The following CR1L variants were observed in gnomAD, a reference collection of about 807,000 sequenced individuals.
CR1L encodes the protein complement component receptor 1-like protein.
Under a neutral mutation model 62.3 loss-of-function variants are expected in CR1L, and 59 were observed. The observed-to-expected ratio is 0.95, with a 90% confidence interval of 0.77 to 1.18. The LOEUF (loss-of-function observed/expected upper bound fraction) is 1.18, where lower values mean the gene tolerates loss of function less well. Among genes scored for constraint, CR1L ranks in the 50% most tolerant of loss-of-function variants. The pLI is 0.00. For missense variants in CR1L, 700 were observed against 702.8 expected (o/e 1.00, Z 0.04); for synonymous variants, 279 against 248.7 (o/e 1.12, Z -1.15).
chr1:207,661,703 T>G (rs1384785467), intron 1 of CR1L, among the ~76,000 whole-genome samples: 4 of 152,190 alleles, frequency 2.6e-5, no homozygotes, highest in South Asian at 2.1e-4. Context: ...GTTAGCTGGT[T>G]ATTTTGCTCG....
chr1:207,706,013 G>GTATATATATATATATATATA (rs139294447), intron 9 of CR1L, among the ~76,000 whole-genome samples: 75 of 133,568 alleles, frequency 5.6e-4, no homozygotes, highest in Non-Finnish European at 1.1e-3. Context: ...GTGTGTGTAT[G>GTATATATATATATATATATA]TATATATATA....
intron 10 of CR1L, chr1:207,711,579 A>G (rs1664358469): frequency 6.6e-6 from 1 of 152,378 alleles, no homozygotes; most frequent in African/African-American, 2.4e-5. Context: ...TCTAAATAAC[A>G]CGCCCCTCAA....
At chr1:207,697,404 T>A in intron 5 of CR1L, 99 bp from the exon 6 acceptor site, 1 of 1,603,668 alleles carries the variant, frequency 6.2e-7, no homozygotes, top group Non-Finnish European at 8.5e-7. Flanking sequence ...ACCTTTTTTG[T>A]TACATATAGA....
chr1:207,715,243 A>G (rs373820372), intron 10 of CR1L: 1 of 891,626 alleles, frequency 1.1e-6, no homozygotes, highest in South Asian at 1.3e-5. Context: ...CTGAGCATCT[A>G]TTAGTGAAGA....
rs369552597 is a variant in CR1L at position 207,678,247 on chromosome 1, G to A, written c.327G>A (p.Val109=). The A allele has an allele frequency of 2.5e-6, 4 of 1,613,604 alleles. No homozygotes were observed. Among genetic ancestry groups the A allele is most frequent in the Non-Finnish European group, 2.5e-6 (3 of 1,179,672 alleles). The change falls in exon 3 of 12, where the codon GTG becomes GTA. Residue 109 remains valine, a synonymous_variant. Coordinates refer to ENST00000508064, the MANE Select transcript of CR1L (RefSeq NM_175710.2). ...ATCCTGTGAATGGCATGGCACATGT[G>A]ATCAAAGACATCCAGTTCAGATCCC... The part of the protein sequence containing the change: ...PPDPVNGMAH[V]IKDIQFRSQI...
At chr1:207,649,214 C>T (rs946263642) in intron 1 of CR1L, among the ~76,000 whole-genome samples, 5 of 151,928 alleles carry the variant, frequency 3.3e-5, no homozygotes, top group African/African-American at 1.2e-4. Flanking sequence ...TAGCTACCGG[C>T]CAGGGAGGAA....
At chr1:207,659,959 C>T (rs765464211) in intron 1 of CR1L, among the ~76,000 whole-genome samples, 6 of 152,130 alleles carry the variant, frequency 3.9e-5, no homozygotes, top group Non-Finnish European at 5.9e-5. Context: ...GAGGAGCGTC[C>T]GACATTGCTA....
At chr1:207,676,282 G>A (rs1249978781) in intron 1 of CR1L, among the ~76,000 whole-genome samples, 1 of 152,016 alleles carries the variant, frequency 6.6e-6, no homozygotes. Flanking sequence ...CATTTCTAAG[G>A]CATGTTTTAA....
chr1:207,668,629 T>A (rs1195533854), intron 1 of CR1L, among the ~76,000 whole-genome samples: 1 of 151,102 alleles, frequency 6.6e-6, no homozygotes, highest in Non-Finnish European at 1.5e-5. Flanking sequence ...CTGTCACTCC[T>A]ACATCCATAT....
intron 1 of CR1L, among the ~76,000 whole-genome samples, chr1:207,662,719 C>T (rs569367248): frequency 1.4e-3 from 210 of 152,266 alleles, no homozygotes; most frequent in African/African-American, 3.7e-3. Context: ...GGAGGAGAAG[C>T]GCTCTGATTT....
In CR1L at chr1:207,714,168, G is replaced by T. The variant is rs556819610; in HGVS notation, c.1415-3296G>T. On this transcript the variant is annotated intron_variant, in intron 10 of 11. Transcript: ENST00000508064. ...TCAGCAGAGAAGAGACACAAGGGTG[G>T]ACCCCAGATGAAGTCAGGGGGTCAT... is the stretch of plus-strand genomic sequence containing the variant. Among the ~76,000 whole-genome samples the T allele has an allele frequency of 2.6e-5, 4 of 152,326 alleles. No individual in the cohort carries two copies. The South Asian group carries it at 8.3e-4, about 32-fold the overall frequency.
intron 4 of CR1L, among the ~76,000 whole-genome samples, chr1:207,687,967 T>G (rs956336693): frequency 6.6e-6 from 1 of 152,186 alleles, no homozygotes; most frequent in Non-Finnish European, 1.5e-5. Context: ...AGTTACTGCT[T>G]TTTCTATTCT....
At chr1:207,698,797 C>G (rs1664148194) in intron 7 of CR1L, among the ~76,000 whole-genome samples, 1 of 152,208 alleles carries the variant, frequency 6.6e-6, no homozygotes, top group South Asian at 2.1e-4. Flanking sequence ...CTATTTCCCA[C>G]TTTACCACTC....
At chr1:207,674,874 T>A (rs1181372245) in intron 1 of CR1L, among the ~76,000 whole-genome samples, 2 of 152,054 alleles carry the variant, frequency 1.3e-5, no homozygotes, top group African/African-American at 2.4e-5. Context: ...GTTTTTTTTT[T>A]TATACAGTGG....
chr1:207,680,544 A>AT (rs61550356), intron 3 of CR1L, among the ~76,000 whole-genome samples: 3 of 151,408 alleles, frequency 2.0e-5, no homozygotes, highest in Non-Finnish European at 2.9e-5. Context: ...AAATAAAAAA[A>AT]TTTTTTTTTT....
chr1:207,645,868 A>G (rs561367917), intron 1 of CR1L, among the ~76,000 whole-genome samples: 47 of 152,136 alleles, frequency 3.1e-4, no homozygotes, highest in Admixed American at 1.0e-3. Flanking sequence ...GGGCCTGGCC[A>G]GGTGTTGCTG....
rs576283560 is a variant in CR1L at position 207,663,807 on chromosome 1, G to C, written c.98-13582G>C. The stretch of plus-strand genomic sequence containing the variant: ...TTTATTCTTTTCAGAGTGATCTGTT[G>C]ACACCTTTACTGAGTTTGTTCCTAC... On this transcript the variant is annotated intron_variant, in intron 1 of 11. Coordinates refer to ENST00000508064, the MANE Select transcript of CR1L (RefSeq NM_175710.2). 5.9e-5 allele frequency among the ~76,000 whole-genome samples: 9 copies of C among 152,264 alleles called. No homozygotes were observed. In the East Asian group the frequency reaches 1.7e-3, roughly 29 times the overall value.
At chr1:207,702,086 A>G (rs12073783) in intron 9 of CR1L, among the ~76,000 whole-genome samples, 48,845 of 152,026 alleles carry the variant, frequency 0.32, 8,137 homozygotes, top group East Asian at 0.41. Flanking sequence ...GCAACGCTGC[A>G]ACAAGCATGT....
rs1166782178 is a variant in CR1L, at chr1:207,717,463, G to C, written c.1415-1G>C. 1.7e-5 allele frequency: 27 copies of C among 1,612,444 alleles called. No individual in the cohort carries two copies. Among genetic ancestry groups the C allele is most frequent in the Non-Finnish European group, 2.2e-5 (26 of 1,179,102 alleles). ...CTTAAAAGCTCTTGTTTTCTTTCTA[G>C]AAATCTTTTGTCCAAATCCTCCAGC... On this transcript the variant is annotated splice_acceptor_variant, in intron 10 of 11. Coordinates refer to ENST00000508064, the MANE Select transcript of CR1L (RefSeq NM_175710.2). LOFTEE classifies it high-confidence loss of function.
Sources: gnomAD v4.1 joint callset for allele counts (sites outside exome capture counted in the v4.1 genomes callset) on GRCh38, gnomAD v4.1.1 for gene constraint, MANE v1.5 for transcripts, NCBI Gene and HGNC (gene_info 2026-07-23, HGNC 2026-07-21) for gene names.